Variants in IKZF2 observed in about 807,000 individuals in gnomAD.
IKZF2 encodes IKAROS family zinc finger 2.
IKZF2 carries 15 observed loss-of-function variants against 49.2 expected under a neutral mutation model. The observed-to-expected ratio is 0.30, with a 90% CI of 0.20 to 0.47. The LOEUF is 0.47. IKZF2 is among the 20% of genes least tolerant of loss of function. The pLI, the probability that IKZF2 is intolerant of heterozygous loss-of-function variation, is 1.00. For missense variants in IKZF2, 567 were observed against 664.6 expected (o/e 0.85, Z 1.61); for synonymous variants, 227 against 221.4 (o/e 1.03, Z -0.23).
chr2:213,025,154 T>G (rs1294130089), intron 6 of IKZF2, among the ~76,000 whole-genome samples: 1 of 152,130 alleles, frequency 6.6e-6, no homozygotes, highest in Non-Finnish European at 1.5e-5. Context: ...TTGGGTCTCC[T>G]GTTTTAGCGT....
intron 4 of IKZF2, among the ~76,000 whole-genome samples, chr2:213,110,653 C>G (rs1313648451): frequency 6.6e-6 from 1 of 151,954 alleles, no homozygotes; most frequent in Non-Finnish European, 1.5e-5. Flanking sequence ...CAACATTTGA[C>G]AAATTATTAT....
intron 4 of IKZF2, among the ~76,000 whole-genome samples, chr2:213,141,214 T>G (rs2060855257): frequency 2.0e-5 from 3 of 152,000 alleles, no homozygotes; most frequent in Non-Finnish European, 4.4e-5. Context: ...CTCCTTCCTT[T>G]TTATCCCACT....
intron 6 of IKZF2, among the ~76,000 whole-genome samples, chr2:213,046,192 C>T (rs144698531): frequency 3.3e-5 from 5 of 152,244 alleles, no homozygotes; most frequent in Non-Finnish European, 7.4e-5. Flanking sequence ...TAGCCCAAAC[C>T]GTGCATCATG....
chr2:213,090,990 A>AT (rs1353233415), intron 4 of IKZF2, among the ~76,000 whole-genome samples: 1 of 152,172 alleles, frequency 6.6e-6, no homozygotes, highest in Admixed American at 6.6e-5. Context: ...GATGAGATAT[A>AT]TTTTAGGAAC....
upstream of IKZF2, chr2:213,151,715 T>TGGCGGCGGCTGCGGCGGC (rs1553606321): frequency 6.8e-6 from 1 of 146,616 alleles, no homozygotes; most frequent in Non-Finnish European, 1.5e-5. Context: ...GAGGGCGGGC[T>TGGCGGCGGCTGCGGCGGC]GGCGGCGGCT....
rs79668712 is a variant in IKZF2, at chr2:213,113,763, G to A, written c.139+33945C>T. On this transcript the variant is annotated intron_variant, in intron 4 of 8. Transcript: ENST00000434687. ...CTAATTGTTTTAGGGAAGGAGTGGA[G>A]AGAGGTGTTTGTTTGTTTTGTTTTA... 5.7e-3 allele frequency among the ~76,000 whole-genome samples: 870 copies of A among 152,248 alleles called. 11 individuals are homozygous for A. The highest frequency in any genetic ancestry group is 0.02 in the African/African-American group (838 of 41,540).
At chr2:213,131,468 A>G (rs2060471851) in intron 4 of IKZF2, among the ~76,000 whole-genome samples, 1 of 152,184 alleles carries the variant, frequency 6.6e-6, no homozygotes, top group Non-Finnish European at 1.5e-5. Context: ...TTTAAATTGT[A>G]TCTTTAAGAT....
chr2:213,000,960 T>C lies in IKZF2; in HGVS notation c.*6400A>G, dbSNP rs1559142474. ...TCAGACTAGTGGTTTCCACATTCTG[T>C]AATCTTTTGATTGTGGAGTGTTTTT... On this transcript the variant is annotated 3_prime_UTR_variant, in exon 9 of 9. Transcript: ENST00000434687. 6.6e-6 allele frequency: 1 copy of C among 151,724 alleles called. No homozygotes were observed. Among genetic ancestry groups the C allele is most frequent in the Non-Finnish European group, 1.5e-5 (1 of 67,578 alleles). The allele number at this position is 151,724 out of a possible 1,614,324, so 9.4% of individuals were successfully genotyped here. A position where few individuals can be genotyped will look rare whatever the true frequency, so the allele number is the denominator to read the frequency against.
At chr2:213,021,900 A>G in intron 7 of IKZF2, 93 bp downstream of exon 7, 1 of 1,334,250 alleles carries the variant, frequency 7.5e-7, no homozygotes, top group Non-Finnish European at 1.0e-6. Context: ...AAAGTGATCT[A>G]AAATAGTTTT....
At chr2:213,008,111 G>GC in intron 8 of IKZF2, 27 bp from the exon 9 acceptor site, 1 of 1,274,870 alleles carries the variant, frequency 7.8e-7, no homozygotes, top group South Asian at 2.2e-5. Context: ...GGTGAAAGAA[G>GC]TAAAAAAAAA....
intron 4 of IKZF2, among the ~76,000 whole-genome samples, chr2:213,080,973 TGTTAG>T (rs1703884545): frequency 6.6e-6 from 1 of 152,128 alleles, no homozygotes; most frequent in African/African-American, 2.4e-5. Context: ...AAAAATTTGG[TGTTAG>T]GTTGAGTTTT....
rs752534584 is a variant in IKZF2, at chr2:213,084,227, G to A, written c.140-27128C>T. On this transcript the variant is annotated intron_variant, in intron 4 of 8. Coordinates refer to ENST00000434687, the MANE Select transcript of IKZF2 (RefSeq NM_001387220.1). ...CAGCTGTATATCACAGAGCATATTAGTCAGCCTCAGTTTCCCTGGAATGCT... is the reference window on the plus strand; with the variant it reads ...CAGCTGTATATCACAGAGCATATTAATCAGCCTCAGTTTCCCTGGAATGCT... 1.9e-4 allele frequency among the ~76,000 whole-genome samples: 29 copies of A among 152,246 alleles called. No individual in the cohort carries two copies. The Middle Eastern group carries it at 0.027, about 143-fold the overall frequency.
Position 213,147,739 on chromosome 2 carries a change from T to C in IKZF2, c.108A>G (p.Gly36=), listed in dbSNP as rs1350219108. The C allele has an allele frequency of 6.2e-6, 10 of 1,614,018 alleles. No homozygotes were observed. The highest frequency in any genetic ancestry group is 8.5e-6 in the Non-Finnish European group (10 of 1,179,874). Residue 36 remains glycine, a synonymous_variant, in exon 4 of 9, where the codon GGA becomes GGG. Transcript: ENST00000434687. The part of the protein sequence containing the change: ...AIDLTSSTPN[G]QHASPSHMTS... ...TCATGTGACTTGGTGAGGCATGCTGTCCATTGGGTGTGCTTGAGGTGAGGT... is the reference window on the plus strand; with the variant it reads ...TCATGTGACTTGGTGAGGCATGCTGCCCATTGGGTGTGCTTGAGGTGAGGT...
intron 2 of IKZF2, among the ~76,000 whole-genome samples, chr2:213,149,048 A>G (rs1276278746): frequency 6.6e-6 from 1 of 152,204 alleles, no homozygotes; most frequent in Non-Finnish European, 1.5e-5. Context: ...AGATAGCTCT[A>G]TTCACAATTG....
chr2:213,104,047 C>A (rs763094839), intron 4 of IKZF2, among the ~76,000 whole-genome samples: 4 of 151,954 alleles, frequency 2.6e-5, no homozygotes, highest in Non-Finnish European at 5.9e-5. Context: ...ACAAGACACA[C>A]CTCGGATTCG....
intron 6 of IKZF2, among the ~76,000 whole-genome samples, chr2:213,048,074 C>T (rs1266577391): frequency 1.3e-5 from 2 of 151,958 alleles, no homozygotes; most frequent in African/African-American, 4.8e-5. Flanking sequence ...ATTTTAGATT[C>T]CAATTGGAAG....
intron 4 of IKZF2, among the ~76,000 whole-genome samples, chr2:213,124,270 A>T (rs1361814823): frequency 7.3e-6 from 1 of 137,154 alleles, no homozygotes; most frequent in Non-Finnish European, 1.6e-5. Context: ...ACACACACAC[A>T]CACACACACA....
chr2:213,125,858 G>T (rs1444221529), intron 4 of IKZF2, among the ~76,000 whole-genome samples: 1 of 152,018 alleles, frequency 6.6e-6, no homozygotes, highest in Admixed American at 6.6e-5. Context: ...GAGTCATAGG[G>T]CAAGTATGTA....
rs981062160 is a variant in IKZF2 at position 213,112,111 on chromosome 2, AT to A, written c.139+35596del. ...ATAAACTAATAGATTATGTTTGATA[AT>A]TACAGTTTCATTGGTTAAGAACTGT... On this transcript the variant is annotated intron_variant, in intron 4 of 8. Transcript: ENST00000434687. Among the ~76,000 whole-genome samples, 6 of 152,102 alleles carry A rather than the reference AT, an allele frequency of 3.9e-5. 1 individual carries two copies. Among genetic ancestry groups the A allele is most frequent in the Admixed American group, 3.3e-4 (5 of 15,268 alleles).
Sources: gnomAD v4.1 joint callset for allele counts (sites outside exome capture counted in the v4.1 genomes callset) on GRCh38, gnomAD v4.1.1 for gene constraint, MANE v1.5 for transcripts, NCBI Gene and HGNC (gene_info 2026-07-23, HGNC 2026-07-21) for gene names.